Variants in TMEM72 observed in about 807,000 individuals in gnomAD.
TMEM72 encodes the protein kidney-specific secretory protein of 37 kDa.
A neutral mutation model predicts 16.3 loss-of-function variants in TMEM72; 9 were observed. The ratio of observed to expected loss-of-function variants is 0.55; its 90% confidence interval spans 0.33 to 0.96. TMEM72 has a LOEUF of 0.96. TMEM72 is among the 40% of genes least tolerant of loss of function. The pLI, the probability that TMEM72 is intolerant of heterozygous loss-of-function variation, is 0.03. For missense variants in TMEM72, 324 were observed against 337.8 expected (o/e 0.96, Z 0.32); for synonymous variants, 160 against 146.5 (o/e 1.09, Z -0.66).
At chr10:44,916,822 CT>C (rs148226346) in intron 1 of TMEM72, among the ~76,000 whole-genome samples, 1,605 of 152,260 alleles carry the variant, frequency 0.011, 37 homozygotes, top group African/African-American at 0.037. Context: ...AACTTTGTGC[CT>C]GTGCCTTGCT....
At position 44,933,601 on chromosome 10, in the gene TMEM72, G is replaced by A. The variant is rs375146622; in HGVS notation, c.210-36G>A. On this transcript the variant is annotated intron_variant, in intron 3 of 4. Transcript: ENST00000389583. The stretch of plus-strand genomic sequence containing the variant: ...ATCCAGTCTTGCTGGGGTTTTCCTG[G>A]GACACATTATGCTAACCTGGACTCC... 15 of 1,591,262 alleles carry A rather than the reference G, an allele frequency of 9.4e-6. No homozygotes were observed. The African/African-American group carries it at 1.9e-4, about 20-fold the overall frequency.
At chr10:44,918,103 T>G (rs1840038768) in intron 1 of TMEM72, among the ~76,000 whole-genome samples, 1 of 152,140 alleles carries the variant, frequency 6.6e-6, no homozygotes, top group Non-Finnish European at 1.5e-5. Flanking sequence ...GGGGAATTCC[T>G]CTTTTTAAAA....
chr10:44,925,469 T>C (rs763733275), intron 1 of TMEM72, among the ~76,000 whole-genome samples: 2 of 152,236 alleles, frequency 1.3e-5, no homozygotes, highest in Non-Finnish European at 1.5e-5. Context: ...GGCATCAGCC[T>C]GGAGTCGAAC....
intron 1 of TMEM72, among the ~76,000 whole-genome samples, chr10:44,915,601 C>T (rs1210288955): frequency 6.6e-6 from 1 of 152,124 alleles, no homozygotes; most frequent in Admixed American, 6.5e-5. Context: ...GGATGCAAAA[C>T]ACACAGAGGA....
At chr10:44,926,632 G>A (rs539342049) in intron 1 of TMEM72, among the ~76,000 whole-genome samples, 1 of 152,258 alleles carries the variant, frequency 6.6e-6, no homozygotes, top group Admixed American at 6.5e-5. Flanking sequence ...TGTGAACCAA[G>A]GGACTGGTGG....
chr10:44,926,610 G>T (rs75809816), intron 1 of TMEM72, among the ~76,000 whole-genome samples: 35 of 152,316 alleles, frequency 2.3e-4, no homozygotes, highest in Non-Finnish European at 4.1e-4. Flanking sequence ...GGGAGACTCG[G>T]TGTCCGCCTC....
chr10:44,924,170 C>T (rs1840147340), intron 1 of TMEM72, among the ~76,000 whole-genome samples: 1 of 152,206 alleles, frequency 6.6e-6, no homozygotes, highest in Non-Finnish European at 1.5e-5. Context: ...GATCCACATG[C>T]ACTGCCCATT....
intron 1 of TMEM72, 58 bp from the exon 2 acceptor site, chr10:44,927,863 G>A: frequency 6.5e-7 from 1 of 1,546,882 alleles, no homozygotes. Context: ...ACCCTCAACA[G>A]GGCAGTGCTG....
At chr10:44,933,864 G>A in intron 4 of TMEM72, 88 bp downstream of exon 4, 1 of 1,460,412 alleles carries the variant, frequency 6.8e-7, no homozygotes, top group Non-Finnish European at 9.1e-7. Flanking sequence ...TAGCTCCAGT[G>A]GTGGCTCCAG....
At chr10:44,914,061 A>G (rs946055828) in intron 1 of TMEM72, among the ~76,000 whole-genome samples, 5 of 152,194 alleles carry the variant, frequency 3.3e-5, no homozygotes, top group African/African-American at 1.2e-4. Flanking sequence ...CAGGGCTGTC[A>G]AAAGCACTGA....
At chr10:44,925,558 CAGTT>C (rs143340914) in intron 1 of TMEM72, among the ~76,000 whole-genome samples, 2,151 of 152,336 alleles carry the variant, frequency 0.014, 47 homozygotes, top group African/African-American at 0.046. Flanking sequence ...CGCTTGGTAT[CAGTT>C]AGCTCACTAC....
chr10:44,915,989 C>T (rs56069251), intron 1 of TMEM72, among the ~76,000 whole-genome samples: 4,181 of 152,242 alleles, frequency 0.027, 90 homozygotes, highest in Non-Finnish European at 0.043. Flanking sequence ...CGCTCCAGCC[C>T]CACAAATGCC....
intron 1 of TMEM72, among the ~76,000 whole-genome samples, chr10:44,914,478 G>A (rs1839985147): frequency 6.6e-6 from 1 of 152,228 alleles, no homozygotes; most frequent in African/African-American, 2.4e-5. Flanking sequence ...TGATGTCTAA[G>A]TGCCTCAGTT....
At position 44,936,426 on chromosome 10, in the gene TMEM72, T is replaced by C. The variant is rs1840402383; in HGVS notation, c.*1292T>C. ...ACACGTTTCAATGTTCCCTACAGGA[T>C]ATTTTACAAAGGTATGAAAATAATG... On this transcript the variant is annotated 3_prime_UTR_variant, in exon 5 of 5. Transcript: ENST00000389583. The C allele has an allele frequency of 6.6e-6, 1 of 152,262 alleles. No individual in the cohort carries two copies. Among genetic ancestry groups the C allele is most frequent in the Non-Finnish European group, 1.5e-5 (1 of 68,050 alleles). 9.4% of individuals were successfully genotyped at this position (152,262 alleles called of 1,614,324 possible).
chr10:44,929,673 C>T (rs892588961), intron 2 of TMEM72, among the ~76,000 whole-genome samples: 5 of 152,270 alleles, frequency 3.3e-5, no homozygotes, highest in Admixed American at 6.5e-5. Flanking sequence ...CTTCCACCAC[C>T]TCTGGTCCAC....
intron 1 of TMEM72, among the ~76,000 whole-genome samples, chr10:44,924,369 G>A (rs1456204037): frequency 2.0e-5 from 3 of 152,150 alleles, no homozygotes; most frequent in Non-Finnish European, 2.9e-5. Flanking sequence ...TGAGTCCCTC[G>A]TCCAGCTTGG....
At chr10:44,929,830 C>T (rs1282446580) in intron 2 of TMEM72, among the ~76,000 whole-genome samples, 1 of 152,276 alleles carries the variant, frequency 6.6e-6, no homozygotes, top group Non-Finnish European at 1.5e-5. Flanking sequence ...CCACCCATTT[C>T]CACCTGCCCA....
chr10:44,911,754 T>C (rs1227174502), intron 1 of TMEM72, among the ~76,000 whole-genome samples, 172 bp downstream of exon 1: 1 of 152,148 alleles, frequency 6.6e-6, no homozygotes, highest in Non-Finnish European at 1.5e-5. Context: ...GCAAGTGCAG[T>C]GGGGTGAGCC....
rs936696707 is a variant in TMEM72 at position 44,934,732 on chromosome 10, G to A, written c.426G>A (p.Val142=). Residue 142 remains valine (V), a synonymous_variant, in exon 5 of 5, where the codon GTG becomes GTA. Transcript: ENST00000389583. ...AGAAGAGGAAAGCTGCCCCCGAGGTGCTGGCCTCCCCAGAGCAGTACACAG... is the reference window on the plus strand; with the variant it reads ...AGAAGAGGAAAGCTGCCCCCGAGGTACTGGCCTCCCCAGAGCAGTACACAG... ...KRKKRKAAPE[V]LASPEQYTDP... is the part of the protein sequence containing the mutation. 3 of 1,612,570 alleles carry A rather than the reference G, an allele frequency of 1.9e-6. No individual in the cohort carries two copies. Among genetic ancestry groups the A allele is most frequent in the Non-Finnish European group, 1.7e-6 (2 of 1,179,620 alleles).
Sources: allele counts gnomAD v4.1 joint callset (sites outside exome capture counted in the v4.1 genomes callset), GRCh38; gene constraint gnomAD v4.1.1; transcripts MANE v1.5; gene names NCBI Gene and HGNC (gene_info 2026-07-23, HGNC 2026-07-21).